Variants in SLC2A5 observed in about 807,000 individuals in gnomAD.
SLC2A5 encodes the protein solute carrier family 2, facilitated glucose transporter member 5.
In SLC2A5, 56 loss-of-function variants were observed where a neutral mutation model predicts 50.3. The observed-to-expected ratio is 1.11, with a 90% CI of 0.90 to 1.39. The LOEUF is 1.39. SLC2A5 is among the 40% of genes most tolerant of loss of function. SLC2A5 has a pLI of 0.00. For synonymous variants in SLC2A5, 269 were observed against 281.9 expected, an observed-to-expected ratio of 0.95 and a Z score of 0.46; for missense variants, 566 against 650.1, an observed-to-expected ratio of 0.87 and a Z score of 1.41.
At position 9,042,124 on chromosome 1, in the gene SLC2A5, A is replaced by C. The variant is rs369379423; in HGVS notation, c.419-187T>G. Among the ~76,000 whole-genome samples, 28 of 152,356 alleles carry C rather than the reference A, an allele frequency of 1.8e-4. No homozygotes were observed. The East Asian group carries it at 3.5e-3, about 19-fold the overall frequency. Reference sequence around the variant, plus strand: ...ACTTTAAGGAAAGAGAAACAGATCAAAGGAGCTCATGCACAGGGGCCCTTG... The same window carrying C: ...ACTTTAAGGAAAGAGAAACAGATCACAGGAGCTCATGCACAGGGGCCCTTG... On this transcript the variant is annotated intron_variant, in intron 4 of 11. Coordinates refer to ENST00000377424, the MANE Select transcript of SLC2A5 (RefSeq NM_003039.3).
intron 2 of SLC2A5, among the ~76,000 whole-genome samples, chr1:9,083,335 AG>A (rs1163827166): frequency 6.6e-6 from 1 of 152,216 alleles, no homozygotes; most frequent in Non-Finnish European, 1.5e-5. Context: ...GGAATAATAC[AG>A]GGTGGTCGCA....
At chr1:9,081,460 C>T (rs1642351952) in intron 2 of SLC2A5, among the ~76,000 whole-genome samples, 1 of 135,906 alleles carries the variant, frequency 7.4e-6, no homozygotes, top group Non-Finnish European at 1.6e-5. Flanking sequence ...GAGGTAGACT[C>T]CTTCTCTTAA....
intron 1 of SLC2A5, among the ~76,000 whole-genome samples, chr1:9,065,955 T>G (rs1642070260): frequency 6.6e-6 from 1 of 152,088 alleles, no homozygotes; most frequent in African/African-American, 2.4e-5. Flanking sequence ...AAAAAAAAAT[T>G]TTTTTTTGAG....
In SLC2A5 at chr1:9,039,599, C is replaced by A; in HGVS notation, c.949G>T (p.Val317Leu). The change falls in exon 8 of 12, where the codon GTG becomes TTG. Residue 317 changes from valine (V) to leucine (L), a missense_variant. Transcript: ENST00000377424. ...AGVPEEHVQYVTAGTGAVNVV... is the reference protein window; with the variant it reads ...AGVPEEHVQYLTAGTGAVNVV... ...TTCACGGCCCCGGTGCCGGCCGTCA[C>A]GTACTGCACGTGCTCCTCCGGCACG... 6.3e-7 allele frequency: 1 copy of A among 1,575,842 alleles called. No individual in the cohort carries two copies. Among genetic ancestry groups the A allele is most frequent in the Non-Finnish European group, 8.6e-7 (1 of 1,161,736 alleles).
At chr1:9,053,884 AAAAAT>A (rs943835121) in intron 3 of SLC2A5, among the ~76,000 whole-genome samples, 4 of 151,808 alleles carry the variant, frequency 2.6e-5, no homozygotes, top group Middle Eastern at 3.2e-3. Flanking sequence ...AAAAAAATAA[AAAAAT>A]AAAATAAAAA....
At chr1:9,084,743 C>T (rs753903679) in intron 2 of SLC2A5, among the ~76,000 whole-genome samples, 1 of 152,214 alleles carries the variant, frequency 6.6e-6, no homozygotes, top group South Asian at 2.1e-4. Flanking sequence ...GCATCGGCCA[C>T]ACCCTTGGGT....
chr1:9,088,518 C>T (rs2124490423), upstream of SLC2A5: 1 of 152,614 alleles, frequency 6.6e-6, no homozygotes, highest in South Asian at 2.1e-4. Flanking sequence ...TGCAGTGGCT[C>T]ACGCCTGTAA....
rs551712856 is a variant in SLC2A5, at chr1:9,076,041, C to G, written c.-58-6447G>C. The stretch of plus-strand genomic sequence containing the variant: ...CACAATCTCAGCTCACTGCAACCTC[C>G]ACCTCCCAGATTCAAGCGATTCTCT... On this transcript the variant is annotated intron_variant, in intron 2 of 5. Coordinates refer to the SLC2A5 transcript ENST00000464985. Among the ~76,000 whole-genome samples the G allele has an allele frequency of 1.5e-4, 23 of 152,050 alleles. No individual in the cohort carries two copies. In the South Asian group the frequency reaches 4.2e-3, roughly 27 times the overall value.
chr1:9,058,645 C>T lies in SLC2A5; in HGVS notation c.34-395G>A, dbSNP rs529438013. Among the ~76,000 whole-genome samples the T allele has an allele frequency of 1.9e-3, 288 of 152,370 alleles. 2 individuals are homozygous for T. The highest frequency in any genetic ancestry group is 1.2e-3 in the Non-Finnish European group (85 of 68,040). On this transcript the variant is annotated intron_variant, in intron 1 of 11. Coordinates refer to ENST00000377424, the MANE Select transcript of SLC2A5 (RefSeq NM_003039.3). The stretch of plus-strand genomic sequence containing the variant: ...GAAGCTGAAACCTACTTCTCTAACA[C>T]TGCAGCTACTGCAGCTGTTTGAATT...
chr1:9,065,943 CA>C (rs34396789), intron 1 of SLC2A5, among the ~76,000 whole-genome samples: 25,016 of 150,032 alleles, frequency 0.17, 2,583 homozygotes, highest in Admixed American at 0.25. Flanking sequence ...GACCCTGCCT[CA>C]AAAAAAAAAT....
At position 9,039,861 on chromosome 1, in the gene SLC2A5, C is replaced by T. The variant is rs763809145; in HGVS notation, c.824G>A (p.Arg275His). 79 of 1,611,428 alleles carry T rather than the reference C, an allele frequency of 4.9e-5. No individual in the cohort carries two copies. The South Asian group carries it at 5.4e-4, about 11-fold the overall frequency. The stretch of plus-strand genomic sequence containing the variant: ...GACGATGATGGACAGCAGCTGCCAG[C>T]GCAGCGAGCGCATCCGGAACAGCTT... ...VLKLFRMRSL[R>H]WQLLSIIVLM... is the part of the protein sequence containing the mutation. Residue 275 changes from arginine to histidine, a missense_variant, in exon 7 of 12, where the codon CGC becomes CAC. Physicochemically the swap from Arg to His is conservative, Grantham distance 29. Transcript: ENST00000377424.
chr1:9,037,600 T>C lies in SLC2A5; in HGVS notation c.1492A>G (p.Thr498Ala). The C allele has an allele frequency of 6.2e-7, 1 of 1,613,956 alleles. No homozygotes were observed. Among genetic ancestry groups the C allele is most frequent in the Non-Finnish European group, 8.5e-7 (1 of 1,179,972 alleles). The change falls in exon 12 of 12, where the codon ACT becomes GCT. Residue 498 changes from threonine (T) to alanine (A), a missense_variant. Coordinates refer to ENST00000377424, the MANE Select transcript of SLC2A5 (RefSeq NM_003039.3). ...CCTCTCCAGAGTCACTGTTCCGAAG[T>C]GACAGGTGGAAGCTCTTTCAGTTCC... ...KEELKELPPV[T>A]SEQ
intron 2 of SLC2A5, among the ~76,000 whole-genome samples, chr1:9,077,449 C>CAAAA (rs1557684766): frequency 6.8e-5 from 8 of 118,276 alleles, no homozygotes; most frequent in Admixed American, 6.8e-4. Context: ...AAAAAAAAAC[C>CAAAA]CCCAGAAAAG....
chr1:9,084,419 C>CTAT (rs1289913768), intron 2 of SLC2A5, among the ~76,000 whole-genome samples: 1 of 152,240 alleles, frequency 6.6e-6, no homozygotes, highest in Non-Finnish European at 1.5e-5. Context: ...TGTACTTTCA[C>CTAT]TATTTTCTGA....
Position 9,068,189 on chromosome 1 carries a change from C to CAAAAAAAAAAA in SLC2A5, c.33+1304_33+1314dup, listed in dbSNP as rs755203801. Among the ~76,000 whole-genome samples the CAAAAAAAAAAA allele has an allele frequency of 3.9e-5, 3 of 77,092 alleles. No homozygotes were observed. The Admixed American group carries it at 4.8e-4, about 12-fold the overall frequency. 50.6% of individuals were successfully genotyped at this position (77,092 alleles called of 152,430 possible). On this transcript the variant is annotated intron_variant, in intron 1 of 11. Coordinates refer to ENST00000377424, the MANE Select transcript of SLC2A5 (RefSeq NM_003039.3). ...TGGGTGACAGAGCAAGACTCTGTGTCAAAAAAAAAAAAAAAAAAAAGCGAG... is the reference window on the plus strand; with the variant it reads ...TGGGTGACAGAGCAAGACTCTGTGTCAAAAAAAAAAAAAAAAAAAAAAAAAAAAAAAGCGAG...
upstream of SLC2A5, among the ~76,000 whole-genome samples, chr1:9,093,332 C>T (rs1642480620): frequency 6.6e-6 from 1 of 152,324 alleles, no homozygotes; most frequent in Non-Finnish European, 1.5e-5. Context: ...GACTTCCCTT[C>T]ACCACATACC....
In SLC2A5 at chr1:9,067,204, T is replaced by C. The variant is rs767409326; in HGVS notation, c.33+2300A>G. Among the ~76,000 whole-genome samples the C allele has an allele frequency of 2.4e-4, 37 of 152,156 alleles. 1 individual carries two copies. The highest frequency in any genetic ancestry group is 1.9e-4 in the East Asian group (1 of 5,186). ...TGATTTCCCGGATTCTTACAGACCA[T>C]TGGGATCGCTTCCTTCAGAGTGTTT... On this transcript the variant is annotated intron_variant, in intron 1 of 11. Transcript: ENST00000377424.
intron 7 of SLC2A5, 32 bp downstream of exon 7, chr1:9,039,767 TC>T: frequency 1.4e-6 from 2 of 1,403,198 alleles, no homozygotes; most frequent in Admixed American, 2.5e-5. Context: ...CCCCGAGCCC[TC>T]CCCAGCTCCC....
chr1:9,041,139 C>T (rs1468356913), intron 5 of SLC2A5: 13 of 362,270 alleles, frequency 3.6e-5, no homozygotes, highest in Non-Finnish European at 4.9e-5. Flanking sequence ...GACTTGCAGA[C>T]GGTGTGTAGA....
Sources: allele counts gnomAD v4.1 joint callset (sites outside exome capture counted in the v4.1 genomes callset), GRCh38; gene constraint gnomAD v4.1.1; transcripts MANE v1.5; gene names NCBI Gene and HGNC (gene_info 2026-07-23, HGNC 2026-07-21).